Variants in ADK observed in about 807,000 individuals in gnomAD.
ADK encodes adenosine kinase.
A neutral mutation model predicts 44.7 loss-of-function variants in ADK; 24 were observed. That is an observed-to-expected ratio of 0.54 (90% CI 0.39 to 0.76). The LOEUF (loss-of-function observed/expected upper bound fraction) is 0.76. Ranked by LOEUF, ADK falls within the 30% of genes least tolerant of loss-of-function variation. ADK has a pLI of 0.00. For synonymous variants in ADK, 128 were observed against 142.6 expected, an observed-to-expected ratio of 0.90 and a Z score of 0.73; for missense variants, 321 against 425.1, an observed-to-expected ratio of 0.76 and a Z score of 2.15.
intron 3 of ADK, among the ~76,000 whole-genome samples, chr10:74,245,335 C>T (rs1026789241): frequency 6.6e-6 from 1 of 152,094 alleles, no homozygotes; most frequent in Non-Finnish European, 1.5e-5. Context: ...AGATTAGGAC[C>T]TACTATAATG....
intron 1 of ADK, among the ~76,000 whole-genome samples, chr10:74,178,140 C>G (rs888181716): frequency 2.6e-5 from 4 of 151,870 alleles, no homozygotes; most frequent in Non-Finnish European, 5.9e-5. Context: ...GGGGGTTTCA[C>G]CATATTGGCC....
chr10:74,492,110 C>CT (rs1394779816), intron 6 of ADK, among the ~76,000 whole-genome samples: 1 of 151,998 alleles, frequency 6.6e-6, no homozygotes, highest in Non-Finnish European at 1.5e-5. Context: ...TCTTTAACCT[C>CT]TAAATACTTG....
intron 6 of ADK, among the ~76,000 whole-genome samples, chr10:74,512,360 C>T (rs1003957128): frequency 3.4e-5 from 5 of 145,148 alleles, no homozygotes; most frequent in African/African-American, 1.3e-4. Flanking sequence ...TAATTTGGGA[C>T]AAATTGGTTT....
intron 9 of ADK, among the ~76,000 whole-genome samples, chr10:74,643,558 C>T (rs1471622246): frequency 6.6e-6 from 1 of 152,118 alleles, no homozygotes; most frequent in Non-Finnish European, 1.5e-5. Context: ...ATCTTTAACT[C>T]TTGCTATTTC....
intron 1 of ADK, among the ~76,000 whole-genome samples, chr10:74,170,521 G>T (rs775802630): frequency 2.0e-5 from 3 of 152,070 alleles, no homozygotes; most frequent in African/African-American, 7.2e-5. Context: ...TAGTAAGGCC[G>T]GGCACGGTGG....
intron 6 of ADK, among the ~76,000 whole-genome samples, chr10:74,415,848 G>T (rs1397322811): frequency 6.6e-6 from 1 of 151,880 alleles, no homozygotes; most frequent in African/African-American, 2.4e-5. Flanking sequence ...AATTGTTCCT[G>T]ATTACACAAA....
rs145362532 is a variant in ADK, at chr10:74,639,797, C to G, written c.878-30386C>G. On this transcript the variant is annotated intron_variant, in intron 9 of 10. Transcript: ENST00000539909. ...GTTGCGGTGAGCCGAGATCTCGCTA[C>G]TGCACTCCAGCCTGGGTGACAGAGC... is the stretch of plus-strand genomic sequence containing the variant. Among the ~76,000 whole-genome samples, 35 of 152,302 alleles carry G rather than the reference C, an allele frequency of 2.3e-4. 2 individuals carry two copies. The highest frequency in any genetic ancestry group is 7.0e-4 in the African/African-American group (29 of 41,568).
chr10:74,296,240 A>T (rs1839808737), intron 3 of ADK, among the ~76,000 whole-genome samples: 1 of 152,090 alleles, frequency 6.6e-6, no homozygotes, highest in African/African-American at 2.4e-5. Flanking sequence ...ACAAACTTGT[A>T]AAAAAATTAT....
intron 7 of ADK, among the ~76,000 whole-genome samples, chr10:74,586,680 C>A (rs900125430): frequency 5.3e-5 from 8 of 151,792 alleles, no homozygotes; most frequent in Admixed American, 2.0e-4. Context: ...ATGGTGAAAC[C>A]CCCATCTCTG....
At chr10:74,633,669 A>G (rs1481113598) in intron 9 of ADK, among the ~76,000 whole-genome samples, 2 of 152,220 alleles carry the variant, frequency 1.3e-5, no homozygotes, top group Admixed American at 6.5e-5. Context: ...TCAGGTAGCA[A>G]TTATAACTCT....
chr10:74,347,629 G>T (rs2131893964), intron 4 of ADK, among the ~76,000 whole-genome samples: 1 of 152,156 alleles, frequency 6.6e-6, no homozygotes, highest in Admixed American at 6.5e-5. Flanking sequence ...TGCTTAGAGG[G>T]TCCCACTCCC....
intron 9 of ADK, chr10:74,656,182 T>C (rs1854481221): frequency 1.1e-5 from 3 of 264,666 alleles, no homozygotes. Flanking sequence ...CTCCAGACAT[T>C]TTGTTCTCGA....
intron 8 of ADK, among the ~76,000 whole-genome samples, chr10:74,593,374 A>G (rs1258237063): frequency 1.3e-5 from 2 of 152,028 alleles, no homozygotes; most frequent in African/African-American, 2.4e-5. Flanking sequence ...ACAAGGTGGA[A>G]GTGACCAGAG....
intron 4 of ADK, among the ~76,000 whole-genome samples, chr10:74,359,195 G>A (rs1243159454): frequency 6.6e-6 from 1 of 152,154 alleles, no homozygotes; most frequent in Non-Finnish European, 1.5e-5. Flanking sequence ...TTATATGACA[G>A]TACCATGCTG....
chr10:74,309,263 A>G (rs987136138), intron 3 of ADK, among the ~76,000 whole-genome samples: 9 of 152,128 alleles, frequency 5.9e-5, no homozygotes, highest in Non-Finnish European at 1.2e-4. Flanking sequence ...ATAACTTACA[A>G]TAGTTGCCTT....
chr10:74,619,649 T>C (rs1474860792), intron 9 of ADK, among the ~76,000 whole-genome samples: 1 of 152,060 alleles, frequency 6.6e-6, no homozygotes, highest in Admixed American at 6.5e-5. Flanking sequence ...CATTTGTAGG[T>C]CTGGTTTTTA....
chr10:74,525,888 C>T (rs1849018964), intron 7 of ADK, among the ~76,000 whole-genome samples: 1 of 152,178 alleles, frequency 6.6e-6, no homozygotes, highest in Non-Finnish European at 1.5e-5. Context: ...CTCCTGACCT[C>T]AGGTGATCTG....
At chr10:74,206,996 A>G (rs1309210859) in intron 2 of ADK, among the ~76,000 whole-genome samples, 1 of 152,190 alleles carries the variant, frequency 6.6e-6, no homozygotes, top group Admixed American at 6.5e-5. Flanking sequence ...ACACCTGCCA[A>G]GGGCGAGCCA....
chr10:74,191,450 G>C (rs1307545910), intron 1 of ADK, among the ~76,000 whole-genome samples: 1 of 150,882 alleles, frequency 6.6e-6, no homozygotes, highest in African/African-American at 2.4e-5. Context: ...TAAAAAGACA[G>C]GGTCTCGCCC....
Sources: allele counts gnomAD v4.1 joint callset (sites outside exome capture counted in the v4.1 genomes callset), GRCh38; gene constraint gnomAD v4.1.1; transcripts MANE v1.5; gene names NCBI Gene and HGNC (gene_info 2026-07-23, HGNC 2026-07-21).